The following SLC39A11 variants were observed in gnomAD, a reference collection of about 807,000 sequenced individuals.
The protein encoded by SLC39A11 is zinc transporter ZIP11.
A neutral mutation model predicts 36.1 loss-of-function variants in SLC39A11; 33 were observed. The observed-to-expected ratio is 0.91, with a 90% confidence interval of 0.69 to 1.22. SLC39A11 has a LOEUF of 1.22. Among genes scored for constraint, SLC39A11 ranks in the 50% most tolerant of loss-of-function variants. The probability of loss-of-function intolerance (pLI) is 0.00; values close to 1 mark genes in which losing one functional copy is unlikely to be tolerated. For synonymous variants in SLC39A11, 166 were observed against 170.3 expected (o/e 0.97, Z 0.20); for missense variants, 432 against 430.3 (o/e 1.00, Z -0.03).
At chr17:72,872,672 G>A (rs1481296356) in intron 5 of SLC39A11, among the ~76,000 whole-genome samples, 1 of 152,132 alleles carries the variant, frequency 6.6e-6, no homozygotes, top group Non-Finnish European at 1.5e-5. Flanking sequence ...AAACAAAGAT[G>A]ATAACAGTCC....
intron 7 of SLC39A11, among the ~76,000 whole-genome samples, chr17:72,705,902 G>C (rs2072873930): frequency 1.3e-5 from 2 of 152,220 alleles, no homozygotes; most frequent in African/African-American, 4.8e-5. Flanking sequence ...TGGATCCAGA[G>C]AGTAAAGATC....
rs151312238 is a variant in SLC39A11, at chr17:72,989,118, T to C, written c.307-41243A>G. Among the ~76,000 whole-genome samples the C allele has an allele frequency of 1.1e-4, 16 of 152,336 alleles. No individual in the cohort carries two copies. The East Asian group carries it at 2.3e-3, about 22-fold the overall frequency. On this transcript the variant is annotated intron_variant, in intron 4 of 9. Coordinates refer to ENST00000255559, the MANE Select transcript of SLC39A11 (RefSeq NM_139177.4). ...ATGTGAACGTATTTATTAACACTAC[T>C]GAACTGTGCACGTAAAAATGGTTAT...
chr17:72,932,133 A>G (rs968836745), intron 5 of SLC39A11, among the ~76,000 whole-genome samples: 4 of 152,028 alleles, frequency 2.6e-5, no homozygotes, highest in African/African-American at 9.7e-5. Flanking sequence ...GAGAGCATAC[A>G]ATATACTAGG....
chr17:73,042,671 G>A (rs1360886972), intron 3 of SLC39A11, among the ~76,000 whole-genome samples: 2 of 152,108 alleles, frequency 1.3e-5, no homozygotes, highest in African/African-American at 4.8e-5. Flanking sequence ...CATGTTGGCG[G>A]GCACCTGTAA....
At chr17:72,918,150 T>G (rs1034696388) in intron 5 of SLC39A11, among the ~76,000 whole-genome samples, 3 of 152,238 alleles carry the variant, frequency 2.0e-5, no homozygotes, top group Admixed American at 6.5e-5. Flanking sequence ...GGCTCACGCC[T>G]GTAATCCCAG....
At chr17:72,721,432 C>A (rs773802933) in intron 7 of SLC39A11, among the ~76,000 whole-genome samples, 1 of 152,120 alleles carries the variant, frequency 6.6e-6, no homozygotes, top group African/African-American at 2.4e-5. Flanking sequence ...GGGCTGTGGA[C>A]GAGAGGCATC....
chr17:72,944,380 TAC>T (rs1488432757), intron 5 of SLC39A11, among the ~76,000 whole-genome samples: 3 of 152,168 alleles, frequency 2.0e-5, no homozygotes, highest in Admixed American at 6.5e-5. Flanking sequence ...CTCTTTAGCC[TAC>T]AGAGGATGCT....
chr17:72,837,384 C>T (rs995219780), intron 6 of SLC39A11, among the ~76,000 whole-genome samples: 1 of 106,766 alleles, frequency 9.4e-6, no homozygotes, highest in Non-Finnish European at 1.8e-5. Flanking sequence ...AAAAAAAAAG[C>T]AGGACTCATA....
chr17:73,071,838 A>G (rs755681098), intron 3 of SLC39A11, among the ~76,000 whole-genome samples: 2 of 152,324 alleles, frequency 1.3e-5, no homozygotes, highest in African/African-American at 2.4e-5. Context: ...TAAGGCACCC[A>G]TGTACTTTGC....
At chr17:72,996,072 TC>T (rs2089486794) in intron 4 of SLC39A11, among the ~76,000 whole-genome samples, 1 of 152,078 alleles carries the variant, frequency 6.6e-6, no homozygotes, top group Non-Finnish European at 1.5e-5. Context: ...CACACTGCCC[TC>T]CTTCACCCCA....
chr17:72,728,991 ATCT>A, intron 7 of SLC39A11, among the ~76,000 whole-genome samples: 1 of 152,240 alleles, frequency 6.6e-6, no homozygotes, highest in Non-Finnish European at 1.5e-5. Context: ...AACATCCAGT[ATCT>A]TCTTCATTGC....
intron 7 of SLC39A11, among the ~76,000 whole-genome samples, chr17:72,676,653 C>T (rs1301791094): frequency 6.6e-6 from 1 of 152,202 alleles, no homozygotes; most frequent in East Asian, 1.9e-4. Context: ...AAACAGTTCC[C>T]TACACAGATA....
intron 4 of SLC39A11, among the ~76,000 whole-genome samples, chr17:72,966,369 T>A (rs1217586853): frequency 6.6e-6 from 1 of 152,188 alleles, no homozygotes; most frequent in Non-Finnish European, 1.5e-5. Context: ...TGAGAATTAC[T>A]ACCGCCCCCC....
chr17:73,043,037 A>G (rs536681600), intron 3 of SLC39A11, among the ~76,000 whole-genome samples: 1 of 152,276 alleles, frequency 6.6e-6, no homozygotes, highest in African/African-American at 2.4e-5. Flanking sequence ...TCTGGACTAT[A>G]ATAAGAGAGG....
chr17:72,950,486 G>A (rs1165602405), intron 4 of SLC39A11, among the ~76,000 whole-genome samples: 1 of 152,192 alleles, frequency 6.6e-6, no homozygotes, highest in Non-Finnish European at 1.5e-5. Flanking sequence ...ACGGGCCATG[G>A]AGTCACAGCT....
intron 6 of SLC39A11, among the ~76,000 whole-genome samples, chr17:72,763,755 A>C (rs1296701701): frequency 6.6e-6 from 1 of 152,210 alleles, no homozygotes; most frequent in East Asian, 1.9e-4. Context: ...TGTTCTGACA[A>C]AGGAAACAGG....
Position 72,780,252 on chromosome 17 carries a change from C to T in SLC39A11, c.602-43533G>A, listed in dbSNP as rs987013320. ...AGCTGAAGGGCAAGAGCTGGATCAA[C>T]AAGGCCTTCTCTGAAAACACTTCCC... On this transcript the variant is annotated intron_variant, in intron 6 of 9. Coordinates refer to ENST00000255559, the MANE Select transcript of SLC39A11 (RefSeq NM_139177.4). Among the ~76,000 whole-genome samples the T allele has an allele frequency of 3.3e-5, 5 of 152,200 alleles. No individual in the cohort carries two copies. The East Asian group carries it at 7.7e-4, about 23-fold the overall frequency.
intron 6 of SLC39A11, among the ~76,000 whole-genome samples, chr17:72,838,786 T>C (rs2078682154): frequency 6.6e-6 from 1 of 152,098 alleles, no homozygotes; most frequent in Non-Finnish European, 1.5e-5. Context: ...AGAAAAAGAA[T>C]GTCAGCTATA....
chr17:72,732,441 G>A (rs9914252), intron 7 of SLC39A11, among the ~76,000 whole-genome samples: 6,563 of 152,104 alleles, frequency 0.043, 190 homozygotes, highest in African/African-American at 0.087. Flanking sequence ...CCAGAACAGC[G>A]CCTCGCATTT....
Sources: allele counts gnomAD v4.1 joint callset (sites outside exome capture counted in the v4.1 genomes callset), GRCh38; gene constraint gnomAD v4.1.1; transcripts MANE v1.5; gene names NCBI Gene and HGNC (gene_info 2026-07-23, HGNC 2026-07-21).